The following NRXN3 variants were observed in gnomAD, a reference collection of about 807,000 sequenced individuals.
NRXN3 encodes the protein neurexin 3.
Under a neutral mutation model 137.6 loss-of-function variants are expected in NRXN3, and 32 were observed. The observed-to-expected ratio is 0.23, with a 90% confidence interval of 0.18 to 0.31. NRXN3 has a LOEUF of 0.31. NRXN3 is among the 10% of genes least tolerant of loss of function. The pLI, the probability that NRXN3 is intolerant of heterozygous loss-of-function variation, is 1.00. For missense variants in NRXN3, 1,574 were observed against 2,062.5 expected, an observed-to-expected ratio of 0.76 and a Z score of 4.59; for synonymous variants, 798 against 784.5, an observed-to-expected ratio of 1.02 and a Z score of -0.29.
At chr14:78,456,461 A>G (rs1230616834) in intron 4 of NRXN3, among the ~76,000 whole-genome samples, 1 of 152,100 alleles carries the variant, frequency 6.6e-6, no homozygotes, top group African/African-American at 2.4e-5. Context: ...TTTGGGAGGG[A>G]CTTCTTGCAA....
At chr14:79,214,399 A>G (rs1024313517) in intron 15 of NRXN3, among the ~76,000 whole-genome samples, 1 of 152,222 alleles carries the variant, frequency 6.6e-6, no homozygotes, top group African/African-American at 2.4e-5. Flanking sequence ...CTGAAGAAAT[A>G]TGCTGCAAGC....
At chr14:79,526,356 T>C (rs1419106253) in intron 16 of NRXN3, among the ~76,000 whole-genome samples, 1 of 152,174 alleles carries the variant, frequency 6.6e-6, no homozygotes. Flanking sequence ...CATATCCACC[T>C]AATTTAAAAA....
chr14:79,419,908 C>T (rs2095551340), intron 15 of NRXN3, among the ~76,000 whole-genome samples: 1 of 152,120 alleles, frequency 6.6e-6, no homozygotes, highest in African/African-American at 2.4e-5. Context: ...GCTGCAGAAG[C>T]TCTCGGTGAT....
Position 78,562,358 on chromosome 14 carries a change from C to T in NRXN3, c.758-82762C>T, listed in dbSNP as rs546175807. ...GTTTCAGTGACCCAAGATCGCGCCA[C>T]TGCACTCCAGCCTGGTGACAGAGTG... is the stretch of plus-strand genomic sequence containing the variant. On this transcript the variant is annotated intron_variant, in intron 4 of 20. Coordinates refer to ENST00000335750, the MANE Select transcript of NRXN3 (RefSeq NM_001330195.2). 4.1e-4 allele frequency among the ~76,000 whole-genome samples: 58 copies of T among 141,534 alleles called. 1 individual carries two copies. Among genetic ancestry groups the T allele is most frequent in the African/African-American group, 1.4e-3 (53 of 36,736 alleles). The allele number at this position is 141,534 out of a possible 152,430, so 92.9% of individuals were successfully genotyped here.
intron 16 of NRXN3, among the ~76,000 whole-genome samples, chr14:79,549,372 A>G (rs1271795150): frequency 1.3e-5 from 2 of 152,096 alleles, no homozygotes; most frequent in Admixed American, 6.6e-5. Context: ...CTATTTGCCT[A>G]TCTATAGAAA....
At chr14:78,758,290 A>G (rs1342477806) in intron 8 of NRXN3, among the ~76,000 whole-genome samples, 1 of 152,212 alleles carries the variant, frequency 6.6e-6, no homozygotes, top group Non-Finnish European at 1.5e-5. Context: ...CTAATAGCGA[A>G]TTTAAAATAA....
chr14:78,988,343 C>T, intron 15 of NRXN3: 1 of 606,808 alleles, frequency 1.6e-6, no homozygotes, highest in Non-Finnish European at 2.9e-6. Flanking sequence ...TAAATATTCT[C>T]CCACTTGCTC....
chr14:79,848,893 T>C (rs1008658720), intron 20 of NRXN3, among the ~76,000 whole-genome samples: 7 of 152,210 alleles, frequency 4.6e-5, no homozygotes, highest in African/African-American at 1.7e-4. Flanking sequence ...CCTTTCCACT[T>C]TGATATTTAA....
At chr14:78,605,497 A>G (rs879714592) in intron 4 of NRXN3, among the ~76,000 whole-genome samples, 2 of 152,204 alleles carry the variant, frequency 1.3e-5, no homozygotes, top group African/African-American at 2.4e-5. Flanking sequence ...CTCTAATTTG[A>G]CATTCAGGTC....
rs111618319 is a variant in NRXN3, at chr14:78,492,660, A to G, written c.758-152460A>G. ...ATAAAGCTATTTACAGATACACTCT[A>G]CTCCAGCCAGGGGTCCCAGATATAA... On this transcript the variant is annotated intron_variant, in intron 4 of 20. Coordinates refer to ENST00000335750, the MANE Select transcript of NRXN3 (RefSeq NM_001330195.2). Among the ~76,000 whole-genome samples, 17 of 152,272 alleles carry G rather than the reference A, an allele frequency of 1.1e-4. 1 individual carries two copies. Among genetic ancestry groups the G allele is most frequent in the African/African-American group, 3.6e-4 (15 of 41,564 alleles).
chr14:79,470,936 G>GAC (rs1178448705), intron 16 of NRXN3, among the ~76,000 whole-genome samples: 1 of 91,448 alleles, frequency 1.1e-5, no homozygotes, highest in African/African-American at 4.7e-5. Context: ...GAGAGAGAGA[G>GAC]AGAAAGAGAG....
intron 16 of NRXN3, among the ~76,000 whole-genome samples, chr14:79,532,807 A>G (rs2097181233): frequency 6.6e-6 from 1 of 152,230 alleles, no homozygotes; most frequent in African/African-American, 2.4e-5. Flanking sequence ...TGACATCTTC[A>G]GCAAATAAAA....
intron 15 of NRXN3, among the ~76,000 whole-genome samples, chr14:79,235,535 T>C (rs2073212098): frequency 6.6e-6 from 1 of 152,178 alleles, no homozygotes; most frequent in South Asian, 2.1e-4. Flanking sequence ...AGACTGGTTC[T>C]GAATTAATTC....
At chr14:78,811,213 AAAG>A (rs2098910920) in intron 10 of NRXN3, among the ~76,000 whole-genome samples, 1 of 152,212 alleles carries the variant, frequency 6.6e-6, no homozygotes, top group African/African-American at 2.4e-5. Flanking sequence ...TGGCTCAACA[AAAG>A]AAGGTTTTAT....
At chr14:79,305,770 T>A (rs1256668574) in intron 15 of NRXN3, among the ~76,000 whole-genome samples, 1 of 152,050 alleles carries the variant, frequency 6.6e-6, no homozygotes, top group Non-Finnish European at 1.5e-5. Context: ...TATAATTCCA[T>A]CCCAGTGGCT....
intron 16 of NRXN3, among the ~76,000 whole-genome samples, chr14:79,498,188 A>G (rs1188306274): frequency 6.6e-6 from 1 of 152,230 alleles, no homozygotes; most frequent in African/African-American, 2.4e-5. Context: ...AAAGGGCTAA[A>G]AATAGATGAA....
chr14:79,603,172 G>A (rs944637983), intron 16 of NRXN3, among the ~76,000 whole-genome samples: 2 of 152,146 alleles, frequency 1.3e-5, no homozygotes, highest in African/African-American at 4.8e-5. Flanking sequence ...CAAGTTCCCT[G>A]GAGTTATTTT....
chr14:79,694,763 T>C (rs1488466972), intron 18 of NRXN3, among the ~76,000 whole-genome samples: 1 of 151,922 alleles, frequency 6.6e-6, no homozygotes, highest in African/African-American at 2.4e-5. Flanking sequence ...GAGTAAGGGA[T>C]GGCAGGACAC....
chr14:79,309,020 C>A (rs1313001462), intron 15 of NRXN3, among the ~76,000 whole-genome samples: 1 of 117,176 alleles, frequency 8.5e-6, no homozygotes. Flanking sequence ...CATGCTGGTG[C>A]GCTGCACCCA....
Sources: allele counts gnomAD v4.1 joint callset (sites outside exome capture counted in the v4.1 genomes callset), GRCh38; gene constraint gnomAD v4.1.1; transcripts MANE v1.5; gene names NCBI Gene and HGNC (gene_info 2026-07-23, HGNC 2026-07-21).